POLB: variants seen among roughly 807,000 people sequenced by gnomAD.
POLB encodes the protein DNA polymerase beta.
Under a neutral mutation model 52.7 loss-of-function variants are expected in POLB, and 37 were observed. The ratio of observed to expected loss-of-function variants is 0.70; its 90% CI spans 0.54 to 0.92. The LOEUF (loss-of-function observed/expected upper bound fraction) is 0.92, where lower values mean the gene tolerates loss of function less well. Among genes scored for constraint, POLB ranks in the 40% least tolerant of loss-of-function variants. The pLI, the probability that POLB is intolerant of heterozygous loss-of-function variation, is 0.00. For synonymous variants in POLB, 138 were observed against 131.3 expected (o/e 1.05, Z -0.35); for missense variants, 313 against 400.8 (o/e 0.78, Z 1.87).
Position 42,362,270 on chromosome 8 carries a change from AAAT to A in POLB, c.622-339_622-337del, listed in dbSNP as rs1563405067. Reference sequence around the variant, plus strand: ...CGAGACTCCATCTAAAAATAAAATAAAATAAAATAAAATAAAATAAAATAAAAT... The same window carrying A: ...CGAGACTCCATCTAAAAATAAAATAAAAAATAAAATAAAATAAAATAAAAT... On this transcript the variant is annotated intron_variant, in intron 10 of 13. Transcript: ENST00000265421. Among the ~76,000 whole-genome samples the A allele has an allele frequency of 1.1e-3, 165 of 150,690 alleles. 2 individuals are homozygous for A. Among genetic ancestry groups the A allele is most frequent in the African/African-American group, 3.8e-3 (157 of 41,078 alleles).
At chr8:42,344,867 A>G (rs1822510415) in intron 2 of POLB, 86 bp from the exon 3 acceptor site, 1 of 804,666 alleles carries the variant, frequency 1.2e-6, no homozygotes, top group Non-Finnish European at 2.2e-6. Context: ...AAGCATAGAT[A>G]TTTGCTTGTA....
At chr8:42,344,887 C>A (rs1822512680) in intron 2 of POLB, 66 bp from the exon 3 acceptor site, 1 of 902,282 alleles carries the variant, frequency 1.1e-6, no homozygotes, top group Non-Finnish European at 1.9e-6. Context: ...ATATGTATTC[C>A]AGTTTAAGAA....
At chr8:42,367,609 C>T (rs1004321580) in intron 11 of POLB, among the ~76,000 whole-genome samples, 2 of 152,154 alleles carry the variant, frequency 1.3e-5, no homozygotes. Flanking sequence ...CCTCTTCTTG[C>T]TATCACCACT....
intron 11 of POLB, among the ~76,000 whole-genome samples, chr8:42,363,197 G>C (rs1476223084): frequency 6.6e-6 from 1 of 151,448 alleles, no homozygotes; most frequent in African/African-American, 2.4e-5. Context: ...TTTTAGGAAA[G>C]AATTTTCTTT....
chr8:42,341,946 T>A (rs1236095799), intron 2 of POLB: 5 of 695,224 alleles, frequency 7.2e-6, no homozygotes, highest in Non-Finnish European at 1.3e-5. Flanking sequence ...ATCTCCTTCA[T>A]CATGTCTGAA....
At chr8:42,357,586 G>A (rs2130823726) in intron 9 of POLB, 194 bp downstream of exon 9, 1 of 464,522 alleles carries the variant, frequency 2.2e-6, no homozygotes, top group East Asian at 3.3e-5. Flanking sequence ...TTTTATTATA[G>A]GATGATATTT....
At chr8:42,361,064 A>G (rs1170091474) in intron 9 of POLB, 2 of 670,146 alleles carry the variant, frequency 3.0e-6, no homozygotes, top group Middle Eastern at 2.4e-4. Context: ...TATGCAATGT[A>G]TATCTAATGC....
chr8:42,355,469 A>C (rs761691633), intron 6 of POLB, 47 bp from the exon 7 acceptor site: 40 of 1,098,706 alleles, frequency 3.6e-5, no homozygotes, highest in Non-Finnish European at 5.3e-5. Context: ...TTTTCCCCCC[A>C]AAAAGCATTT....
At position 42,343,362 on chromosome 8, in the gene POLB, ATATATATAC is replaced by A. The variant is rs1476039552; in HGVS notation, c.120-1590_120-1582del. On this transcript the variant is annotated intron_variant, in intron 2 of 13. Transcript: ENST00000265421. The stretch of plus-strand genomic sequence containing the variant: ...AAAAAAAAAATATATATATATATAT[ATATATATAC>A]ACAAAATTAGCCAGGTGTGGTAGCA... Among the ~76,000 whole-genome samples, 190 of 54,828 alleles carry A rather than the reference ATATATATAC, an allele frequency of 3.5e-3. 11 individuals carry two copies. In the Middle Eastern group the frequency reaches 0.07, roughly 20 times the overall value. The allele number at this position is 54,828 out of a possible 152,430, so 36.0% of individuals were successfully genotyped here. A position where few individuals can be genotyped will look rare whatever the true frequency, so the allele number is the denominator to read the frequency against.
chr8:42,356,393 T>G (rs913024962), intron 7 of POLB, among the ~76,000 whole-genome samples: 1 of 152,232 alleles, frequency 6.6e-6, no homozygotes, highest in Admixed American at 6.5e-5. Flanking sequence ...TATGCTTAGT[T>G]GCTGTTTCAC....
chr8:42,357,065 T>G, intron 7 of POLB, 104 bp from the exon 8 acceptor site: 1 of 660,130 alleles, frequency 1.5e-6, no homozygotes, highest in Non-Finnish European at 2.7e-6. Context: ...TTTGTGAGAA[T>G]GATCTGCTGG....
At chr8:42,357,013 A>AC (rs1291252477) in intron 7 of POLB, among the ~76,000 whole-genome samples, 156 bp from the exon 8 acceptor site, 1 of 151,876 alleles carries the variant, frequency 6.6e-6, no homozygotes, top group Non-Finnish European at 1.5e-5. Context: ...CTCCACCCCC[A>AC]ATTTTGCTGT....
chr8:42,339,053 A>G lies in POLB; in HGVS notation c.103A>G (p.Lys35Glu), dbSNP rs766885694. 3 of 1,613,312 alleles carry G rather than the reference A, an allele frequency of 1.9e-6. No individual in the cohort carries two copies. In the South Asian group the frequency reaches 3.3e-5, roughly 18 times the overall value. ...FEKNVSQAIH[K>E]YNAYRKAASV... ...GAAGAACGTGAGCCAAGCTATCCAC[A>G]AGTACAATGCTTACAGGTGGGACAG... The change falls in exon 2 of 14, where the codon AAG (lysine) becomes GAG (glutamate). Residue 35 changes from lysine (K) to glutamate (E), a missense_variant. Coordinates refer to ENST00000265421, the MANE Select transcript of POLB (RefSeq NM_002690.3).
At chr8:42,367,794 A>T (rs915244674) in intron 11 of POLB, among the ~76,000 whole-genome samples, 3 of 152,144 alleles carry the variant, frequency 2.0e-5, no homozygotes, top group African/African-American at 7.2e-5. Context: ...ATATAGTAAC[A>T]CTCAGAAGAA....
intron 3 of POLB, among the ~76,000 whole-genome samples, chr8:42,347,308 AATT>A (rs1257388468): frequency 1.4e-5 from 2 of 137,990 alleles, no homozygotes; most frequent in Non-Finnish European, 3.2e-5. Context: ...TAATTCTAGA[AATT>A]ATTCTAGAAT....
intron 11 of POLB, among the ~76,000 whole-genome samples, chr8:42,364,168 C>T (rs1209063494): frequency 2.0e-5 from 3 of 152,154 alleles, no homozygotes; most frequent in Non-Finnish European, 1.5e-5. Context: ...CTCAGGTGAT[C>T]CGCCTGCCTC....
intron 5 of POLB, 64 bp from the exon 6 acceptor site, chr8:42,352,453 AAG>A (rs939590799): frequency 1.0e-6 from 1 of 995,876 alleles, no homozygotes; most frequent in Non-Finnish European, 1.6e-6. Flanking sequence ...TCTTACTATT[AAG>A]ACATGGTTGT....
chr8:42,342,369 C>T, intron 2 of POLB: 1 of 1,493,452 alleles, frequency 6.7e-7, no homozygotes, highest in Non-Finnish European at 9.2e-7. Context: ...TCAGGCCAAC[C>T]TTCACACCAT....
At chr8:42,363,243 A>G (rs542834188) in intron 11 of POLB, among the ~76,000 whole-genome samples, 1 of 151,898 alleles carries the variant, frequency 6.6e-6, no homozygotes, top group African/African-American at 2.4e-5. Flanking sequence ...TGTCATCAGA[A>G]TAGTTAATTA....
Sources: allele counts gnomAD v4.1 joint callset (sites outside exome capture counted in the v4.1 genomes callset), GRCh38; gene constraint gnomAD v4.1.1; transcripts MANE v1.5; gene names NCBI Gene and HGNC (gene_info 2026-07-23, HGNC 2026-07-21).